The following TENM2 variants were observed in gnomAD, a reference collection of about 807,000 sequenced individuals.
TENM2 encodes the protein teneurin transmembrane protein 2, also known as teneurin-2.
A neutral mutation model predicts 245.2 loss-of-function variants in TENM2; 52 were observed. The observed-to-expected ratio is 0.21, with a 90% confidence interval of 0.17 to 0.27. The LOEUF (loss-of-function observed/expected upper bound fraction) is 0.27, where lower values mean the gene tolerates loss of function less well. Among genes scored for constraint, TENM2 ranks in the 10% least tolerant of loss-of-function variants. TENM2 has a pLI of 1.00. For synonymous variants in TENM2, 1,363 were observed against 1,438.9 expected, an observed-to-expected ratio of 0.95 and a Z score of 1.19; for missense variants, 3,046 against 3,666.8, an observed-to-expected ratio of 0.83 and a Z score of 4.37.
At chr5:167,991,003 T>A (rs917452317) in intron 4 of TENM2, among the ~76,000 whole-genome samples, 7 of 152,132 alleles carry the variant, frequency 4.6e-5, no homozygotes, top group Admixed American at 6.6e-5. Context: ...AATAAAAAAA[T>A]TTTTTAAGTC....
chr5:168,122,211 C>G (rs1177650281), intron 10 of TENM2, among the ~76,000 whole-genome samples: 1 of 152,214 alleles, frequency 6.6e-6, no homozygotes, highest in Non-Finnish European at 1.5e-5. Flanking sequence ...GAGTCTCGCT[C>G]TGTCACCCAG....
exon 5 of TENM2, chr5:167,993,039 C>T (rs754770209): frequency 6.2e-7 from 1 of 1,613,990 alleles, no homozygotes. Context: ...TACACGCCCC[C>T]GCCCCGCCTG....
intron 2 of TENM2, among the ~76,000 whole-genome samples, chr5:167,777,372 CA>C (rs1480654441): frequency 3.3e-5 from 5 of 152,140 alleles, no homozygotes; most frequent in African/African-American, 1.2e-4. Context: ...AGTATACTTT[CA>C]AAAGCAAATT....
exon 29 of TENM2, chr5:168,262,689 G>A: frequency 1.2e-6 from 2 of 1,610,046 alleles, no homozygotes; most frequent in Non-Finnish European, 1.7e-6. Flanking sequence ...CAGCTTCTGA[G>A]CACCGGGCGC....
At chr5:167,807,089 A>G (rs1766236090) in intron 2 of TENM2, among the ~76,000 whole-genome samples, 1 of 133,146 alleles carries the variant, frequency 7.5e-6, no homozygotes, top group Non-Finnish European at 1.6e-5. Context: ...AAATCATATT[A>G]TTCGACTGCA....
At chr5:167,072,491 G>T in the TENM2 span, among the ~76,000 whole-genome samples, 844 of 152,336 alleles carry the variant, frequency 5.5e-3, 4 homozygotes, top group Non-Finnish European at 8.2e-3. Context: ...TGTTGATGAA[G>T]TTGAGACATG....
intron 1 of TENM2, among the ~76,000 whole-genome samples, chr5:167,337,049 G>C (rs564340630): frequency 6.8e-6 from 1 of 147,092 alleles, no homozygotes; most frequent in Admixed American, 7.0e-5. Flanking sequence ...CCCGGGAAGC[G>C]GAGCTTGCAG....
chr5:167,080,854 A>T, the TENM2 span, among the ~76,000 whole-genome samples: 1 of 152,138 alleles, frequency 6.6e-6, no homozygotes, highest in Non-Finnish European at 1.5e-5. Context: ...TAGTTATATT[A>T]AAAATGTACC....
At chr5:167,455,335 C>T (rs191450826) in intron 2 of TENM2, among the ~76,000 whole-genome samples, 2 of 152,174 alleles carry the variant, frequency 1.3e-5, no homozygotes, top group East Asian at 3.9e-4. Context: ...TTCTTTGAAA[C>T]AGGTATCTCA....
intron 21 of TENM2, 70 bp from the exon 24 acceptor site, chr5:168,216,698 C>A: frequency 6.6e-7 from 1 of 1,504,006 alleles, no homozygotes; most frequent in South Asian, 1.1e-5. Flanking sequence ...CAAGGCATCT[C>A]ATCTCCCACC....
At chr5:168,122,241 A>T (rs1336368851) in intron 10 of TENM2, among the ~76,000 whole-genome samples, 4 of 152,222 alleles carry the variant, frequency 2.6e-5, no homozygotes, top group African/African-American at 9.6e-5. Context: ...CAGTGGCGCA[A>T]TCTCGGCTCA....
the TENM2 span, among the ~76,000 whole-genome samples, chr5:167,026,056 A>C: frequency 6.6e-6 from 1 of 152,282 alleles, no homozygotes; most frequent in East Asian, 1.9e-4. Flanking sequence ...CTCCCCCACT[A>C]AACAAGATAA....
chr5:167,347,120 A>G (rs1296674980), intron 1 of TENM2, among the ~76,000 whole-genome samples: 1 of 151,702 alleles, frequency 6.6e-6, no homozygotes, highest in East Asian at 1.9e-4. Context: ...ACCTGTGTGC[A>G]TAGTGAGGTG....
the TENM2 span, among the ~76,000 whole-genome samples, chr5:167,015,106 G>T: frequency 9.2e-5 from 14 of 152,058 alleles, no homozygotes; most frequent in African/African-American, 3.4e-4. Flanking sequence ...CACATACTAG[G>T]CTCTCAATAA....
chr5:167,076,089 A>C, the TENM2 span, among the ~76,000 whole-genome samples: 1 of 152,190 alleles, frequency 6.6e-6, no homozygotes, highest in Non-Finnish European at 1.5e-5. Context: ...TAAGGTATAC[A>C]GCTTTTCTGG....
intron 3 of TENM2, among the ~76,000 whole-genome samples, chr5:167,911,638 G>A (rs1413500261): frequency 6.6e-6 from 1 of 152,192 alleles, no homozygotes; most frequent in Non-Finnish European, 1.5e-5. Context: ...GAGTGCTTTG[G>A]GTTAGTTCCA....
chr5:167,710,791 A>G (rs1469702934), intron 2 of TENM2, among the ~76,000 whole-genome samples: 1 of 152,222 alleles, frequency 6.6e-6, no homozygotes, highest in Non-Finnish European at 1.5e-5. Flanking sequence ...TGTATCTACT[A>G]CAGATCACTG....
intron 2 of TENM2, among the ~76,000 whole-genome samples, chr5:167,411,617 TGAGA>T (rs1208259646): frequency 4.0e-5 from 6 of 150,346 alleles, no homozygotes; most frequent in Non-Finnish European, 7.4e-5. Flanking sequence ...TGTATGTATG[TGAGA>T]GAGAGAGAGA....
chr5:167,204,167 A>AG, the TENM2 span, among the ~76,000 whole-genome samples: 6 of 152,130 alleles, frequency 3.9e-5, no homozygotes, highest in South Asian at 1.2e-3. Context: ...AAGGAAAAAA[A>AG]AAAAGGTGAT....
Sources: gnomAD v4.1 joint callset for allele counts (sites outside exome capture counted in the v4.1 genomes callset) on GRCh38, gnomAD v4.1.1 for gene constraint, MANE v1.5 for transcripts, NCBI Gene and HGNC (gene_info 2026-07-23, HGNC 2026-07-21) for gene names.